The following TFDP2 variants were observed in gnomAD, a reference collection of about 807,000 sequenced individuals.
TFDP2 encodes the protein transcription factor Dp-2.
A neutral mutation model predicts 59.3 loss-of-function variants in TFDP2; 17 were observed. The ratio of observed to expected loss-of-function variants is 0.29; its 90% CI spans 0.20 to 0.43. The LOEUF is 0.43. Ranked by LOEUF, TFDP2 falls within the 20% of genes least tolerant of loss-of-function variation. The pLI is 1.00. For missense variants in TFDP2, 391 were observed against 528.8 expected (o/e 0.74, Z 2.56); for synonymous variants, 180 against 194.7 (o/e 0.92, Z 0.63).
intron 3 of TFDP2, among the ~76,000 whole-genome samples, chr3:142,051,851 C>G (rs556267856): frequency 6.6e-6 from 1 of 152,188 alleles, no homozygotes; most frequent in East Asian, 1.9e-4. Flanking sequence ...TAAGGCTGGA[C>G]TTAGTGACTC....
At chr3:142,068,981 T>G (rs1009920534) in intron 3 of TFDP2, among the ~76,000 whole-genome samples, 1 of 152,148 alleles carries the variant, frequency 6.6e-6, no homozygotes, top group Non-Finnish European at 1.5e-5. Flanking sequence ...AGTGGCGCAA[T>G]GTCGGCTCAA....
rs540352017 is a variant in TFDP2 at position 141,988,669 on chromosome 3, C to CTTTTTT, written c.356+4863_356+4868dup. The stretch of plus-strand genomic sequence containing the variant: ...ACTGTTTTTAGCAATCTTTTCTTTT[C>CTTTTTT]TTTTTTTTTTTTTTTTTTGAGATGG... On this transcript the variant is annotated intron_variant, in intron 6 of 12. Transcript: ENST00000489671. Among the ~76,000 whole-genome samples, 733 of 125,420 alleles carry CTTTTTT rather than the reference C, an allele frequency of 5.8e-3. 3 individuals are homozygous for CTTTTTT. Among genetic ancestry groups the CTTTTTT allele is most frequent in the East Asian group, 8.5e-3 (37 of 4,332 alleles). 82.3% of individuals were successfully genotyped at this position (125,420 alleles called of 152,430 possible).
intron 1 of TFDP2, among the ~76,000 whole-genome samples, chr3:142,146,270 G>A (rs2063171281): frequency 1.3e-5 from 2 of 152,188 alleles, no homozygotes. Flanking sequence ...ATGACTTTAA[G>A]AACAGAGAGA....
Position 141,970,745 on chromosome 3 carries a change from C to G in TFDP2, c.664-604G>C, listed in dbSNP as rs144755445. 2.6e-3 allele frequency among the ~76,000 whole-genome samples: 400 copies of G among 152,272 alleles called. 5 individuals are homozygous for G. Among genetic ancestry groups the G allele is most frequent in the Middle Eastern group, 0.014 (4 of 294 alleles). ...AGCTTAGCTGACTCTCCAATGAGGA[C>G]AGCTGATAATACAGATATCTCACAC... On this transcript the variant is annotated intron_variant, in intron 8 of 12. Coordinates refer to ENST00000489671, the MANE Select transcript of TFDP2 (RefSeq NM_001178139.2).
At chr3:141,980,047 T>C (rs543970934) in intron 6 of TFDP2, among the ~76,000 whole-genome samples, 3 of 151,312 alleles carry the variant, frequency 2.0e-5, no homozygotes, top group African/African-American at 4.9e-5. Context: ...TAGTTAGAAT[T>C]ACAGGTGCAT....
chr3:142,069,720 G>C (rs917424086), intron 3 of TFDP2, among the ~76,000 whole-genome samples: 2 of 151,424 alleles, frequency 1.3e-5, no homozygotes, highest in Admixed American at 6.6e-5. Flanking sequence ...TGATTCTCCT[G>C]CCTCAGCCTC....
chr3:141,993,452 A>G (rs934139670), intron 6 of TFDP2, 86 bp downstream of exon 6: 25 of 771,360 alleles, frequency 3.2e-5, no homozygotes, highest in African/African-American at 5.4e-5. Flanking sequence ...GAAGAAAAAC[A>G]TCGCATTAAA....
At chr3:141,968,647 C>CAT (rs1194782062) in intron 9 of TFDP2, among the ~76,000 whole-genome samples, 1 of 100,438 alleles carries the variant, frequency 1.0e-5, no homozygotes, top group Non-Finnish European at 1.9e-5. Flanking sequence ...ATATATATCT[C>CAT]ATATATAGAT....
At chr3:141,984,467 C>A (rs1229630050) in intron 6 of TFDP2, among the ~76,000 whole-genome samples, 1 of 152,054 alleles carries the variant, frequency 6.6e-6, no homozygotes, top group East Asian at 1.9e-4. Flanking sequence ...ACCGTACACG[C>A]CTGGCGACAG....
chr3:142,111,052 T>C (rs997397536), intron 1 of TFDP2, among the ~76,000 whole-genome samples: 1 of 152,154 alleles, frequency 6.6e-6, no homozygotes, highest in Non-Finnish European at 1.5e-5. Flanking sequence ...ATTTCAGCTA[T>C]GAAGGCATGC....
chr3:142,034,157 G>A (rs1008837079), intron 3 of TFDP2, among the ~76,000 whole-genome samples: 14 of 144,744 alleles, frequency 9.7e-5, no homozygotes, highest in Non-Finnish European at 1.5e-4. Flanking sequence ...GTGCAATGGC[G>A]TGATCTCGGC....
At chr3:142,030,741 CTTTT>C (rs56836983) in intron 3 of TFDP2, among the ~76,000 whole-genome samples, 1 of 121,822 alleles carries the variant, frequency 8.2e-6, no homozygotes, top group Non-Finnish European at 1.6e-5. Flanking sequence ...CCCGTGTTCT[CTTTT>C]TTTTTTTTTT....
At chr3:142,045,894 A>AT (rs1947325634) in intron 3 of TFDP2, among the ~76,000 whole-genome samples, 1 of 151,798 alleles carries the variant, frequency 6.6e-6, no homozygotes. Flanking sequence ...AAGTGGTGGG[A>AT]TTACAGGCGT....
At chr3:142,028,612 CCAA>C in intron 3 of TFDP2, 2 of 985,358 alleles carry the variant, frequency 2.0e-6, no homozygotes, top group Non-Finnish European at 2.4e-6. Context: ...CACTGCAGTA[CCAA>C]CAACATTCTA....
chr3:142,040,257 C>G (rs1364441549), intron 3 of TFDP2, among the ~76,000 whole-genome samples: 3 of 152,278 alleles, frequency 2.0e-5, no homozygotes, highest in South Asian at 4.1e-4. Flanking sequence ...CATCATTAAA[C>G]TGGAAGAAAA....
chr3:141,973,791 A>T (rs903625795), intron 8 of TFDP2, among the ~76,000 whole-genome samples: 1 of 152,048 alleles, frequency 6.6e-6, no homozygotes, highest in Non-Finnish European at 1.5e-5. Flanking sequence ...AGGATGAAAT[A>T]AAAATCTTCT....
chr3:142,012,264 G>A (rs940585920), intron 3 of TFDP2, among the ~76,000 whole-genome samples: 4 of 152,130 alleles, frequency 2.6e-5, no homozygotes, highest in East Asian at 1.9e-4. Flanking sequence ...TGCCTGCCTC[G>A]GCCTCCCAAA....
Position 141,969,249 on chromosome 3 carries a change from CAT to C in TFDP2, c.732+822_732+823del, listed in dbSNP as rs58845907. On this transcript the variant is annotated intron_variant, in intron 9 of 12. Coordinates refer to ENST00000489671, the MANE Select transcript of TFDP2 (RefSeq NM_001178139.2). Reference sequence around the variant, plus strand: ...ATATATGAGATATATATATATATAACATATATATATCTCATATATATGAGATA... The same window carrying C: ...ATATATGAGATATATATATATATAACATATATATCTCATATATATGAGATA... Among the ~76,000 whole-genome samples, 16 of 95,574 alleles carry C rather than the reference CAT, an allele frequency of 1.7e-4. 1 individual carries two copies. The highest frequency in any genetic ancestry group is 2.7e-4 in the Non-Finnish European group (14 of 51,726). 62.7% of individuals were successfully genotyped at this position (95,574 alleles called of 152,430 possible).
rs2060232203 is a variant in TFDP2, at chr3:142,071,103, A to T, written c.82+21958T>A. Among the ~76,000 whole-genome samples the T allele has an allele frequency of 2.0e-5, 3 of 152,308 alleles. No homozygotes were observed. In the South Asian group the frequency reaches 6.2e-4, roughly 32 times the overall value. On this transcript the variant is annotated intron_variant, in intron 3 of 12. Transcript: ENST00000489671. ...AACTAAAAGCAGTTCAGTGTGGCAG[A>T]AGGATAGGTGTCTGGGATAAGAGTA...
Sources: allele counts gnomAD v4.1 joint callset (sites outside exome capture counted in the v4.1 genomes callset), GRCh38; gene constraint gnomAD v4.1.1; transcripts MANE v1.5; gene names NCBI Gene and HGNC (gene_info 2026-07-23, HGNC 2026-07-21).